Variants in EPN1 observed in about 807,000 individuals in gnomAD.
EPN1 encodes the protein epsin-1.
EPN1 carries 25 observed loss-of-function variants against 56.9 expected under a neutral mutation model. The ratio of observed to expected loss-of-function variants is 0.44; its 90% CI spans 0.32 to 0.61. The LOEUF (loss-of-function observed/expected upper bound fraction) is 0.61. EPN1 is among the 20% of genes least tolerant of loss of function. EPN1 has a pLI of 0.05. For synonymous variants in EPN1, 411 were observed against 361.8 expected (o/e 1.14, Z -1.54); for missense variants, 785 against 823.7 (o/e 0.95, Z 0.58).
chr19:55,699,836 T>C lies in EPN1; in HGVS notation c.*4480T>C, dbSNP rs548660973. 6 of 152,396 alleles carry C rather than the reference T, an allele frequency of 3.9e-5. No homozygotes were observed. Among genetic ancestry groups the C allele is most frequent in the Non-Finnish European group, 7.3e-5 (5 of 68,042 alleles). 9.4% of individuals were successfully genotyped at this position (152,396 alleles called of 1,614,324 possible). On this transcript the variant is annotated 3_prime_UTR_variant, in exon 11 of 11. Transcript: ENST00000270460. ...TTGTTTTGTATTGAATGTTTCTTCA[T>C]GCTTTTGTTTTACTTTCAGGGATAA...
chr19:55,678,228 A>G (rs749485614), intron 1 of EPN1, among the ~76,000 whole-genome samples: 1 of 152,156 alleles, frequency 6.6e-6, no homozygotes, highest in Non-Finnish European at 1.5e-5. Context: ...ATTTGACAGA[A>G]GAGAAAGCTG....
intron 2 of EPN1, among the ~76,000 whole-genome samples, chr19:55,680,425 C>G (rs1985733966): frequency 6.6e-6 from 1 of 152,172 alleles, no homozygotes; most frequent in South Asian, 2.1e-4. Flanking sequence ...ATCCCCACAG[C>G]AGAGCCTGTA....
At position 55,691,818 on chromosome 19, in the gene EPN1, G is replaced by T. The variant is rs758591129; in HGVS notation, c.827G>T (p.Trp276Leu). The T allele has an allele frequency of 6.2e-7, 1 of 1,609,618 alleles. No individual in the cohort carries two copies. Among genetic ancestry groups the T allele is most frequent in the Non-Finnish European group, 8.5e-7 (1 of 1,177,274 alleles). The change falls in exon 7 of 11, where the codon TGG (tryptophan) becomes TTG (leucine). Residue 276 changes from tryptophan (W) to leucine (L), a missense_variant. Coordinates refer to ENST00000270460, the MANE Select transcript of EPN1 (RefSeq NM_001130072.2). The surrounding 1 kb of genome is among the most constrained non-coding windows in gnomAD (Gnocchi z 5.6). ...GCTCCTGCCCCGACCACAGACCCCT[G>T]GGGGGGCCCAGCACCCATGGCTGCT... ...APAPAPTTDP[W>L]GGPAPMAAAV... is the part of the protein sequence containing the mutation.
At chr19:55,678,978 A>C (rs1985622921) in intron 2 of EPN1, 123 bp downstream of exon 2, 2 of 669,952 alleles carry the variant, frequency 3.0e-6, no homozygotes, top group South Asian at 1.9e-5. Flanking sequence ...GAAGAGTAAA[A>C]TCTCTCTTTT....
Position 55,689,999 on chromosome 19 carries a change from G to A in EPN1, c.762+49G>A, listed in dbSNP as rs73933309. Reference sequence around the variant, plus strand: ...CCCTGGCCCCTGCAGGTGTCCGTCCGTCCCATCGCTCATTCCTGCGTGGCC... The same window carrying A: ...CCCTGGCCCCTGCAGGTGTCCGTCCATCCCATCGCTCATTCCTGCGTGGCC... On this transcript the variant is annotated intron_variant, in intron 6 of 10. Coordinates refer to ENST00000270460, the MANE Select transcript of EPN1 (RefSeq NM_001130072.2). The surrounding 1 kb of genome is among the most constrained non-coding windows in gnomAD (Gnocchi z 5.7). 8,480 of 1,504,866 alleles carry A rather than the reference G, an allele frequency of 5.6e-3. 429 individuals carry two copies. In the African/African-American group the frequency reaches 0.1, roughly 18 times the overall value. The allele number at this position is 1,504,866 out of a possible 1,614,324, so 93.2% of individuals were successfully genotyped here.
rs1987034325 is a variant in EPN1 at position 55,699,226 on chromosome 19, T to C, written c.*3870T>C. On this transcript the variant is annotated 3_prime_UTR_variant, in exon 11 of 11. Coordinates refer to ENST00000270460, the MANE Select transcript of EPN1 (RefSeq NM_001130072.2). ...TCCCGCCTCCCCCAGGCCCTTAGTT[T>C]GTGCTGCTCTGCGTTGGTTTTCTGC... 6.6e-6 allele frequency: 1 copy of C among 152,148 alleles called. No homozygotes were observed. Among genetic ancestry groups the C allele is most frequent in the Non-Finnish European group, 1.5e-5 (1 of 68,042 alleles). The allele number at this position is 152,148 out of a possible 1,614,324, so 9.4% of individuals were successfully genotyped here.
At position 55,694,760 on chromosome 19, in the gene EPN1, C is replaced by T. The variant is rs761892685; in HGVS notation, c.1299C>T (p.Ala433=). 1.9e-5 allele frequency: 31 copies of T among 1,592,216 alleles called. No individual in the cohort carries two copies. Among genetic ancestry groups the T allele is most frequent in the Non-Finnish European group, 2.4e-5 (28 of 1,166,902 alleles). The change falls in exon 10 of 11, where the codon GCC becomes GCT. Residue 433 remains alanine (A), a synonymous_variant. Coordinates refer to ENST00000270460, the MANE Select transcript of EPN1 (RefSeq NM_001130072.2). This position sits in a 1 kb window ranked among gnomAD's most constrained non-coding sequence, Gnocchi z 4.2. ...AGCTGCTGGCAGGAGAGGTGCCGGCCCGAAGCCCTGGGGCGTTTGACATGA... is the reference window on the plus strand; with the variant it reads ...AGCTGCTGGCAGGAGAGGTGCCGGCTCGAAGCCCTGGGGCGTTTGACATGA... The part of the protein sequence containing the change: ...ELELLAGEVP[A]RSPGAFDMSG...
chr19:55,682,666 C>T (rs1420892444), intron 2 of EPN1, among the ~76,000 whole-genome samples: 1 of 152,154 alleles, frequency 6.6e-6, no homozygotes, highest in African/African-American at 2.4e-5. Flanking sequence ...CTCCTGGACT[C>T]AAGCGATCCA....
chr19:55,676,584 C>T (rs930520458), intron 1 of EPN1: 2 of 153,418 alleles, frequency 1.3e-5, no homozygotes, highest in Admixed American at 1.3e-4. Context: ...CCAAGCACTG[C>T]ATGTACCCAT....
Position 55,689,186 on chromosome 19 carries a change from G to A in EPN1, c.604-111G>A. The A allele has an allele frequency of 8.9e-7, 1 of 1,124,512 alleles. No homozygotes were observed. The highest frequency in any genetic ancestry group is 1.3e-6 in the Non-Finnish European group (1 of 780,402). The allele number at this position is 1,124,512 out of a possible 1,614,324, so 69.7% of individuals were successfully genotyped here. A position where few individuals can be genotyped will look rare whatever the true frequency, so the allele number is the denominator to read the frequency against. ...TGTCACTCTCTGCCTGTCCCTCACT[G>A]GTTCAGGGACCCCCAGCCCTCTCTT... On this transcript the variant is annotated intron_variant, in intron 4 of 10. Coordinates refer to ENST00000270460, the MANE Select transcript of EPN1 (RefSeq NM_001130072.2). The surrounding 1 kb of genome is among the most constrained non-coding windows in gnomAD (Gnocchi z 5.7).
At chr19:55,692,363 G>A (rs1986615957) in intron 7 of EPN1, among the ~76,000 whole-genome samples, 1 of 151,916 alleles carries the variant, frequency 6.6e-6, no homozygotes, top group African/African-American at 2.4e-5. Context: ...GGTGGGTGGA[G>A]CTGGGAGGTG....
intron 2 of EPN1, among the ~76,000 whole-genome samples, chr19:55,681,704 T>C (rs73613281): frequency 0.12 from 17,923 of 152,256 alleles, 2,363 homozygotes; most frequent in African/African-American, 0.31. Context: ...GATAAAGCTG[T>C]CTTTAACATT....
At chr19:55,692,108 CTT>C (rs1287739981) in intron 7 of EPN1, 51 bp downstream of exon 7, 2 of 1,373,042 alleles carry the variant, frequency 1.5e-6, no homozygotes, top group Non-Finnish European at 9.4e-7. Context: ...GTGCACCTGT[CTT>C]TGGTTGACTG....
rs777039627 is a variant in EPN1 at position 55,678,866 on chromosome 19, T to C, written c.228+11T>C. 1.9e-6 allele frequency: 3 copies of C among 1,587,038 alleles called. No individual in the cohort carries two copies. The highest frequency in any genetic ancestry group is 1.7e-6 in the Non-Finnish European group (2 of 1,161,514). On this transcript the variant is annotated intron_variant, in intron 2 of 10. Coordinates refer to ENST00000270460, the MANE Select transcript of EPN1 (RefSeq NM_001130072.2). ...CGTCACGTTTACAAGGTCAGCATCC[T>C]GCTCTCCTCCCCGGGCAGGTGCAGG... is the stretch of plus-strand genomic sequence containing the variant.
At chr19:55,687,626 G>T (rs933864126) in intron 3 of EPN1, among the ~76,000 whole-genome samples, 2 of 152,074 alleles carry the variant, frequency 1.3e-5, no homozygotes, top group Admixed American at 1.3e-4. Context: ...CCACAGGGGT[G>T]TGGTCCTCCC....
At chr19:55,685,288 G>A in intron 2 of EPN1, 108 bp from the exon 3 acceptor site, 1 of 1,409,934 alleles carries the variant, frequency 7.1e-7, no homozygotes, top group Non-Finnish European at 9.6e-7. Flanking sequence ...CGACAGGTGG[G>A]TTGTGGGCCT....
Position 55,688,985 on chromosome 19 carries a change from G to C in EPN1, c.594G>C (p.Glu198Asp), listed in dbSNP as rs775677666. 6.2e-7 allele frequency: 1 copy of C among 1,600,670 alleles called. No individual in the cohort carries two copies. Among genetic ancestry groups the C allele is most frequent in the Admixed American group, 1.7e-5 (1 of 59,184 alleles). Residue 198 changes from glutamate (E) to aspartate (D), a missense_variant, in exon 4 of 11, where the codon GAG (glutamate) becomes GAC (aspartate). Around this residue, in one of 2 missense-constraint regions of EPN1, gnomAD observed 650 missense variants for 605.0 expected, o/e 1.07. Coordinates refer to ENST00000270460, the MANE Select transcript of EPN1 (RefSeq NM_001130072.2). ...LQLALAMSKE[E>D]ADQPPSCGPE... is the part of the protein sequence containing the mutation. ...TGGCCCTGGCCATGAGCAAGGAGGA[G>C]GCCGACCAGGTACTGGGCGTGCAGC... is the stretch of plus-strand genomic sequence containing the variant.
At chr19:55,693,088 T>C (rs1986686537) in intron 9 of EPN1, 51 bp downstream of exon 9, 1 of 1,554,450 alleles carries the variant, frequency 6.4e-7, no homozygotes, top group Non-Finnish European at 8.9e-7. Flanking sequence ...CTCCCCTAGC[T>C]CTTCGGGAGC....
rs1986426640 is a variant in EPN1 at position 55,689,949 on chromosome 19, A to C, written c.761A>C (p.Glu254Ala). Reference protein sequence around the residue: ...ESKRETGGKEESSLMDLADVF... With the variant: ...ESKRETGGKEASSLMDLADVF... The stretch of plus-strand genomic sequence containing the variant: ...AAGAGGGAGACTGGGGGCAAGGAGG[A>C]GGTGAGCGGGGCTTGTTCTGCCCTC... Residue 254 changes from glutamate (E) to alanine (A), a missense_variant and splice_region_variant, in exon 6 of 11, where the codon GAG (glutamate) becomes GCG (alanine). Glu to Ala is a moderately radical substitution (Grantham distance 107). Transcript: ENST00000270460. The surrounding 1 kb of genome is among the most constrained non-coding windows in gnomAD (Gnocchi z 5.7). 6.3e-7 allele frequency: 1 copy of C among 1,597,242 alleles called. No individual in the cohort carries two copies. The highest frequency in any genetic ancestry group is 1.1e-5 in the South Asian group (1 of 87,876).
Sources: gnomAD v4.1 joint callset for allele counts (sites outside exome capture counted in the v4.1 genomes callset) on GRCh38, gnomAD v4.1.1 for gene constraint, gnomAD v4.1.1 regional missense constraint, Gnocchi (gnomAD v3.1) non-coding constraint, MANE v1.5 for transcripts, NCBI Gene and HGNC (gene_info 2026-07-23, HGNC 2026-07-21) for gene names.